MORN3: variants seen among roughly 807,000 people sequenced by gnomAD.
MORN3 encodes the protein MORN repeat containing 3.
A neutral mutation model predicts 34.7 loss-of-function variants in MORN3; 38 were observed. The ratio of observed to expected loss-of-function variants is 1.10; its 90% confidence interval spans 0.85 to 1.44. The LOEUF (loss-of-function observed/expected upper bound fraction) is 1.44. Among genes scored for constraint, MORN3 ranks in the 40% most tolerant of loss-of-function variants. MORN3 has a pLI of 0.00. For missense variants in MORN3, 311 were observed against 321.7 expected (o/e 0.97, Z 0.25); for synonymous variants, 109 against 115.3 (o/e 0.95, Z 0.35).
chr12:121,648,936 A>AATTTTTT lies in MORN3; in HGVS notation c.*2714_*2715insAAAAAAT, dbSNP rs1555324756. The AATTTTTT allele has an allele frequency of 7.0e-6, 1 of 143,032 alleles. No individual in the cohort carries two copies. Among genetic ancestry groups the AATTTTTT allele is most frequent in the African/African-American group, 2.6e-5 (1 of 39,026 alleles). 8.9% of individuals were successfully genotyped at this position (143,032 alleles called of 1,614,324 possible). On this transcript the variant is annotated 3_prime_UTR_variant, in exon 6 of 6. Transcript: ENST00000355329. ...ATAAACAAGCACACCCTCTTCCAAC[A>AATTTTTT]TTTTTTTTTTTTTTGAGATGGAGTC...
chr12:121,666,496 T>C (rs1893760572), intron 1 of MORN3, among the ~76,000 whole-genome samples: 1 of 152,078 alleles, frequency 6.6e-6, no homozygotes, highest in South Asian at 2.1e-4. Flanking sequence ...AGAGCACAAC[T>C]CTGTCTCAAA....
intron 1 of MORN3, among the ~76,000 whole-genome samples, chr12:121,665,315 G>T (rs1189022562): frequency 1.7e-4 from 17 of 98,656 alleles, no homozygotes; most frequent in Non-Finnish European, 2.4e-4. Flanking sequence ...TTTTGAGACG[G>T]TGTCTCGCTC....
chr12:121,653,520 G>T (rs1273531266), intron 3 of MORN3, among the ~76,000 whole-genome samples: 1 of 152,178 alleles, frequency 6.6e-6, no homozygotes, highest in Admixed American at 6.5e-5. Flanking sequence ...TGGGAGGATG[G>T]CTTGAGCTCA....
chr12:121,656,584 G>A (rs1013454752), intron 2 of MORN3, among the ~76,000 whole-genome samples: 7 of 151,958 alleles, frequency 4.6e-5, no homozygotes, highest in South Asian at 2.1e-4. Flanking sequence ...GCGTGATCTC[G>A]GTTCACTGCC....
At chr12:121,664,694 T>C (rs1460976132) in intron 1 of MORN3, among the ~76,000 whole-genome samples, 1 of 151,932 alleles carries the variant, frequency 6.6e-6, no homozygotes, top group Non-Finnish European at 1.5e-5. Flanking sequence ...AACAGAGTGA[T>C]TGGCTAGCCA....
chr12:121,659,338 T>G lies in MORN3; in HGVS notation c.156A>C (p.Thr52=). The part of the protein sequence containing the change: ...WKDNVKHGKG[T]QVWKKKGAIY... ...TGGCTCCTTTCTTCTTCCAGACCTGTGTTCCTTTCCCTGGTGACACACAGA... is the reference window on the plus strand; with the variant it reads ...TGGCTCCTTTCTTCTTCCAGACCTGGGTTCCTTTCCCTGGTGACACACAGA... The change falls in exon 2 of 6, where the codon ACA becomes ACC. Residue 52 remains threonine, a synonymous_variant. Coordinates refer to ENST00000355329, the MANE Select transcript of MORN3 (RefSeq NM_173855.5). The G allele has an allele frequency of 1.2e-6, 2 of 1,613,862 alleles. No homozygotes were observed. Among genetic ancestry groups the G allele is most frequent in the Non-Finnish European group, 8.5e-7 (1 of 1,179,928 alleles).
At chr12:121,659,515 C>T (rs1033275554) in intron 1 of MORN3, among the ~76,000 whole-genome samples, 167 bp from the exon 2 acceptor site, 2 of 150,296 alleles carry the variant, frequency 1.3e-5, no homozygotes, top group Non-Finnish European at 2.9e-5. Context: ...AGGAAAGTTC[C>T]ATTTCTTTCT....
intron 1 of MORN3, among the ~76,000 whole-genome samples, chr12:121,668,218 C>T (rs1237074843): frequency 2.6e-5 from 4 of 151,748 alleles, no homozygotes; most frequent in African/African-American, 7.3e-5. Flanking sequence ...AGCACTTAAC[C>T]CAGCAAGGCA....
In MORN3 at chr12:121,659,226, C is replaced by T. The variant is rs1893507615; in HGVS notation, c.268G>A (p.Val90Ile). The T allele has an allele frequency of 6.2e-7, 1 of 1,614,030 alleles. No individual in the cohort carries two copies. The highest frequency in any genetic ancestry group is 1.3e-5 in the African/African-American group (1 of 75,022). The change falls in exon 2 of 6, where the codon GTC becomes ATC. Residue 90 changes from valine (V) to isoleucine (I), a missense_variant. Transcript: ENST00000355329. ...TCACCTTTCCACCAGCCTGAGTAGA[C>T]TCTCCTGCACTTTCCTGTCTGTTGG... ...PDQQTGKCRR[V>I]YSGWWKGDKK...
chr12:121,655,252 G>A (rs1389929444), intron 2 of MORN3, among the ~76,000 whole-genome samples: 1 of 151,952 alleles, frequency 6.6e-6, no homozygotes, highest in African/African-American at 2.4e-5. Context: ...GGAGGCTGAG[G>A]CAGGAGAATC....
At chr12:121,655,011 C>T (rs780836740) in intron 2 of MORN3, among the ~76,000 whole-genome samples, 53 of 152,170 alleles carry the variant, frequency 3.5e-4, no homozygotes, top group Non-Finnish European at 6.8e-4. Context: ...CCTCTCTCAT[C>T]CCCACCACAC....
intron 1 of MORN3, among the ~76,000 whole-genome samples, chr12:121,661,334 C>T (rs577127684): frequency 6.6e-6 from 1 of 152,266 alleles, no homozygotes; most frequent in African/African-American, 2.4e-5. Context: ...AGAGATTCTC[C>T]CTTCTCAGCC....
chr12:121,654,821 C>A (rs1357107648), intron 2 of MORN3, among the ~76,000 whole-genome samples: 1 of 151,176 alleles, frequency 6.6e-6, no homozygotes, highest in East Asian at 2.0e-4. Flanking sequence ...TGGTCTTGAA[C>A]TCCTGACTTC....
rs1893339996 is a variant in MORN3 at position 121,654,253 on chromosome 12, CGGCGGGGGT to C, written c.463+12_463+20del. The C allele has an allele frequency of 7.8e-7, 1 of 1,285,862 alleles. No individual in the cohort carries two copies. The highest frequency in any genetic ancestry group is 1.3e-5 in the South Asian group (1 of 77,108). 79.7% of individuals were successfully genotyped at this position (1,285,862 alleles called of 1,614,324 possible). Reference sequence around the variant, plus strand: ...GGGGGCGTGGTCGGGTGGGCGGGGCCGGCGGGGGTGGGGCACTCACTCAGGCGCAGCATG... The same window carrying C: ...GGGGGCGTGGTCGGGTGGGCGGGGCCGGGGCACTCACTCAGGCGCAGCATG... On this transcript the variant is annotated intron_variant, in intron 3 of 5. Coordinates refer to ENST00000355329, the MANE Select transcript of MORN3 (RefSeq NM_173855.5).
chr12:121,670,403 C>T (rs1893923492), upstream of MORN3, among the ~76,000 whole-genome samples: 1 of 152,078 alleles, frequency 6.6e-6, no homozygotes, highest in African/African-American at 2.4e-5. Flanking sequence ...GCAGAGGTTG[C>T]AGTAAGCCGA....
At chr12:121,653,019 G>A in intron 4 of MORN3, 56 bp downstream of exon 4, 1 of 1,529,516 alleles carries the variant, frequency 6.5e-7, no homozygotes, top group African/African-American at 1.4e-5. Flanking sequence ...GGCTGGGGAT[G>A]CTGGCTTCTG....
chr12:121,665,549 C>G (rs941025043), intron 1 of MORN3, among the ~76,000 whole-genome samples: 1 of 151,108 alleles, frequency 6.6e-6, no homozygotes, highest in African/African-American at 2.4e-5. Flanking sequence ...GGGCGGATCA[C>G]GAGGTCAGGA....
chr12:121,672,627 G>T (rs1361718394), upstream of MORN3: 3 of 152,390 alleles, frequency 2.0e-5, no homozygotes, highest in African/African-American at 7.2e-5. Context: ...TGCGCGCGCC[G>T]CGGGCCCGGC....
At chr12:121,664,004 T>C (rs2136880064) in intron 1 of MORN3, among the ~76,000 whole-genome samples, 1 of 152,264 alleles carries the variant, frequency 6.6e-6, no homozygotes, top group South Asian at 2.1e-4. Context: ...CAGTGTATTC[T>C]ACCCACCAGG....
Sources: allele counts gnomAD v4.1 joint callset (sites outside exome capture counted in the v4.1 genomes callset), GRCh38; gene constraint gnomAD v4.1.1; transcripts MANE v1.5; gene names NCBI Gene and HGNC (gene_info 2026-07-23, HGNC 2026-07-21).